Variants in INTS1 observed in about 807,000 individuals in gnomAD.
INTS1 encodes integrator complex subunit 1.
INTS1 carries 137 observed loss-of-function variants against 241.6 expected under a neutral mutation model. That is an observed-to-expected ratio of 0.57 (90% CI 0.49 to 0.65). INTS1 has a LOEUF of 0.65. Among genes scored for constraint, INTS1 ranks in the 30% least tolerant of loss-of-function variants. The pLI, the probability that INTS1 is intolerant of heterozygous loss-of-function variation, is 0.00. For missense variants in INTS1, 3,073 were observed against 3,032.2 expected (o/e 1.01, Z -0.32); for synonymous variants, 1,692 against 1,337.8 (o/e 1.26, Z -5.78).
chr7:1,479,067 C>A (rs1030299918), intron 31 of INTS1, among the ~76,000 whole-genome samples, 182 bp from the exon 32 acceptor site: 1 of 152,216 alleles, frequency 6.6e-6, no homozygotes, highest in African/African-American at 2.4e-5. Context: ...CCCAGACGAC[C>A]TCACAGAGAC....
At chr7:1,480,240 G>A (rs945205565) in intron 30 of INTS1, 77 bp downstream of exon 30, 32 of 1,489,536 alleles carry the variant, frequency 2.1e-5, no homozygotes, top group Non-Finnish European at 2.6e-5. Context: ...AGGCCGCTGT[G>A]CGTGCGAGGC....
intron 42 of INTS1, among the ~76,000 whole-genome samples, 153 bp from the exon 43 acceptor site, chr7:1,473,337 T>C (rs1014223967): frequency 2.6e-5 from 4 of 152,038 alleles, no homozygotes; most frequent in Non-Finnish European, 5.9e-5. Context: ...GGAAGCCACA[T>C]GTGCGTGGAA....
Position 1,500,315 on chromosome 7 carries a change from T to C in INTS1, c.401A>G (p.Asn134Ser). ...DEIEAAELEG[N>S]DDRIEGVLCG... is the part of the protein sequence containing the mutation. Reference sequence around the variant, plus strand: ...CAGCACGCCCTCGATCCTGTCATCGTTGCCCTCCAGCTCGGCCGCCTCGAT... The same window carrying C: ...CAGCACGCCCTCGATCCTGTCATCGCTGCCCTCCAGCTCGGCCGCCTCGAT... Residue 134 changes from asparagine (N) to serine (S), a missense_variant, in exon 4 of 48, where the codon AAC (asparagine) becomes AGC (serine). Transcript: ENST00000404767. 6.3e-7 allele frequency: 1 copy of C among 1,593,436 alleles called. No homozygotes were observed.
chr7:1,497,725 C>T lies in INTS1; in HGVS notation c.1426-411G>A, dbSNP rs560595299. Reference sequence around the variant, plus strand: ...ACTCCTGTCTCAAAATGCCAGGCCGCGAAGACTGAACGCGGAGCTGAGAGC... The same window carrying T: ...ACTCCTGTCTCAAAATGCCAGGCCGTGAAGACTGAACGCGGAGCTGAGAGC... On this transcript the variant is annotated intron_variant, in intron 10 of 47. Coordinates refer to ENST00000404767, the MANE Select transcript of INTS1 (RefSeq NM_001080453.3). The surrounding 1 kb of genome is among the most constrained non-coding windows in gnomAD (Gnocchi z 5.3). Among the ~76,000 whole-genome samples, 54 of 152,350 alleles carry T rather than the reference C, an allele frequency of 3.5e-4. No homozygotes were observed. Among genetic ancestry groups the T allele is most frequent in the Middle Eastern group, 3.4e-3 (1 of 294 alleles).
chr7:1,500,093 G>A, intron 4 of INTS1, 72 bp from the exon 5 acceptor site: 1 of 1,544,572 alleles, frequency 6.5e-7, no homozygotes, highest in Non-Finnish European at 8.9e-7. Flanking sequence ...GGCCGGGAGG[G>A]ACACTTAAGG....
chr7:1,484,137 T>C lies in INTS1; in HGVS notation c.3295A>G (p.Ile1099Val). ...AGCTTCGAGAAGAGGTGGGACATGA[T>C]GGTGGAGCGCTCCACGACCAGCCGG... is the stretch of plus-strand genomic sequence containing the variant. ...VARLVVERSTIMSHLFSKLSP... is the reference protein window; with the variant it reads ...VARLVVERSTVMSHLFSKLSP... The change falls in exon 25 of 48, where the codon ATC (isoleucine) becomes GTC (valine). Residue 1099 changes from isoleucine (I) to valine (V), a missense_variant. Transcript: ENST00000404767. The C allele has an allele frequency of 2.5e-6, 4 of 1,611,896 alleles. No homozygotes were observed. The highest frequency in any genetic ancestry group is 3.4e-6 in the Non-Finnish European group (4 of 1,179,682).
rs1783004853 is a variant in INTS1 at position 1,498,957 on chromosome 7, C to G, written c.1137+18G>C. ...CCCCACCCCCTGCCCCGCCCACCCC[C>G]CCGGGGCGCCCCCGCACCTTGGGGT... On this transcript the variant is annotated intron_variant, in intron 8 of 47. Coordinates refer to ENST00000404767, the MANE Select transcript of INTS1 (RefSeq NM_001080453.3). 2.7e-6 allele frequency: 4 copies of G among 1,487,544 alleles called. No homozygotes were observed. Among genetic ancestry groups the G allele is most frequent in the Non-Finnish European group, 3.6e-6 (4 of 1,108,768 alleles). The allele number at this position is 1,487,544 out of a possible 1,614,324, so 92.1% of individuals were successfully genotyped here. A position where few individuals can be genotyped will look rare whatever the true frequency, so the allele number is the denominator to read the frequency against.
Position 1,477,622 on chromosome 7 carries a change from C to T in INTS1, c.4866G>A (p.Leu1622=), listed in dbSNP as rs1390876417. 2 of 1,584,060 alleles carry T rather than the reference C, an allele frequency of 1.3e-6. No homozygotes were observed. The highest frequency in any genetic ancestry group is 3.6e-5 in the Admixed American group (2 of 55,796). ...GPSSGLLVDW[L]EMLDPEVVSS... ...TGACCACCTCGGGGTCCAGCATTTCCAGCCAGTCCACTAGGAGGCCTGACG... is the reference window on the plus strand; with the variant it reads ...TGACCACCTCGGGGTCCAGCATTTCTAGCCAGTCCACTAGGAGGCCTGACG... The change falls in exon 35 of 48, where the codon CTG becomes CTA. Residue 1622 remains leucine, a synonymous_variant. Coordinates refer to ENST00000404767, the MANE Select transcript of INTS1 (RefSeq NM_001080453.3).
At chr7:1,482,961 G>A (rs1490060319) in intron 26 of INTS1, 2 of 520,054 alleles carry the variant, frequency 3.8e-6, no homozygotes, top group African/African-American at 1.9e-5. Flanking sequence ...GGGGACATGT[G>A]CGTGTCCCCA....
intron 16 of INTS1, among the ~76,000 whole-genome samples, chr7:1,490,663 T>G (rs1399665736): frequency 6.6e-6 from 1 of 152,222 alleles, no homozygotes. Flanking sequence ...GACTGACCCA[T>G]GGATTCCACA....
At position 1,499,902 on chromosome 7, in the gene INTS1, C is replaced by G; in HGVS notation, c.666G>C (p.Trp222Cys). The change falls in exon 5 of 48, where the codon TGG becomes TGC. Residue 222 changes from tryptophan to cysteine, a missense_variant. Trp to Cys is a radical substitution (Grantham distance 215). Coordinates refer to ENST00000404767, the MANE Select transcript of INTS1 (RefSeq NM_001080453.3). ...CGCTCACCTTGACAAAGATCTCGGG[C>G]CAGTTCTCGTCCTCCTCGTAGGCGG... ...LMAAYEEDEN[W>C]PEIFVKVYIE... 6.2e-7 allele frequency: 1 copy of G among 1,613,048 alleles called. No individual in the cohort carries two copies. Among genetic ancestry groups the G allele is most frequent in the Non-Finnish European group, 8.5e-7 (1 of 1,179,368 alleles).
At chr7:1,490,443 G>A (rs1401359011) in intron 16 of INTS1, among the ~76,000 whole-genome samples, 7 of 152,156 alleles carry the variant, frequency 4.6e-5, no homozygotes, top group East Asian at 3.9e-4. Context: ...TGTTGGCTCC[G>A]GATAAACGGA....
chr7:1,503,865 A>AAAGACCCCCAAAGACCCCCC, intron 2 of INTS1, 38 bp downstream of exon 2: 3 of 1,422,136 alleles, frequency 2.1e-6, no homozygotes, highest in Non-Finnish European at 2.9e-6. Context: ...AAAGACCCCC[A>AAAGACCCCCAAAGACCCCCC]AAGACCCCCG....
rs1373355268 is a variant in INTS1, at chr7:1,496,402, G to A, written c.1603-138C>T. The stretch of plus-strand genomic sequence containing the variant: ...CTCCACACCCACGTGGGCGCGGCAC[G>A]GGGTCTGTATCCAGAAGGGACACCC... On this transcript the variant is annotated intron_variant, in intron 11 of 47. Transcript: ENST00000404767. 38 of 478,954 alleles carry A rather than the reference G, an allele frequency of 7.9e-5. 1 individual carries two copies. The highest frequency in any genetic ancestry group is 1.1e-4 in the Non-Finnish European group (30 of 271,148). 29.7% of individuals were successfully genotyped at this position (478,954 alleles called of 1,614,324 possible).
At chr7:1,496,677 C>G (rs548725586) in intron 11 of INTS1, among the ~76,000 whole-genome samples, 1 of 152,280 alleles carries the variant, frequency 6.6e-6, no homozygotes, top group East Asian at 1.9e-4. Context: ...GTTCAGTCAA[C>G]AGAGATCCAC....
Position 1,474,198 on chromosome 7 carries a change from G to C in INTS1, c.5799C>G (p.Asp1933Glu), listed in dbSNP as rs1781603472. 2 of 1,587,504 alleles carry C rather than the reference G, an allele frequency of 1.3e-6. No individual in the cohort carries two copies. Among genetic ancestry groups the C allele is most frequent in the East Asian group, 2.3e-5 (1 of 44,342 alleles). Reference sequence around the variant, plus strand: ...GCAGGCGGATGAAGGACAGAAGGCAGTCCCACAGCGCCCCCTGGTGCTCGC... The same window carrying C: ...GCAGGCGGATGAAGGACAGAAGGCACTCCCACAGCGCCCCCTGGTGCTCGC... ...FRSEHQGALW[D>E]CLLSFIRLLL... The change falls in exon 41 of 48, where the codon GAC (aspartate) becomes GAG (glutamate). Residue 1933 changes from aspartate to glutamate, a missense_variant. By Grantham distance (45) the Asp-to-Glu change is conservative. Coordinates refer to ENST00000404767, the MANE Select transcript of INTS1 (RefSeq NM_001080453.3).
Position 1,495,540 on chromosome 7 carries a change from G to A in INTS1, c.1725C>T (p.Leu575=). ...DKGEKRNLEV[L]RSFQNQIAAI... is the part of the protein sequence containing the mutation. ...CGGCAATCTGGTTCTGGAATGAGCGGAGCACTTCCAGGTCTGAAACAGACA... is the reference window on the plus strand; with the variant it reads ...CGGCAATCTGGTTCTGGAATGAGCGAAGCACTTCCAGGTCTGAAACAGACA... Residue 575 remains leucine, a synonymous_variant, in exon 13 of 48, where the codon CTC becomes CTT. Transcript: ENST00000404767. The A allele has an allele frequency of 6.2e-7, 1 of 1,610,930 alleles. No homozygotes were observed. Among genetic ancestry groups the A allele is most frequent in the South Asian group, 1.1e-5 (1 of 90,804 alleles).
chr7:1,478,012 G>A (rs1781804336), intron 33 of INTS1, 76 bp from the exon 34 acceptor site: 2 of 1,257,866 alleles, frequency 1.6e-6, no homozygotes, highest in East Asian at 2.3e-5. Flanking sequence ...GGGCTAGCCA[G>A]GGTGGGGTGT....
At chr7:1,491,335 C>A (rs1287110778) in intron 16 of INTS1, among the ~76,000 whole-genome samples, 1 of 152,200 alleles carries the variant, frequency 6.6e-6, no homozygotes, top group Non-Finnish European at 1.5e-5. Context: ...CCAAGAGAAC[C>A]TCATCAGGGA....
Sources: allele counts gnomAD v4.1 joint callset (sites outside exome capture counted in the v4.1 genomes callset), GRCh38; gene constraint gnomAD v4.1.1; non-coding constraint Gnocchi (gnomAD v3.1); transcripts MANE v1.5; gene names NCBI Gene and HGNC (gene_info 2026-07-23, HGNC 2026-07-21).